BAZ1A: variants seen among roughly 807,000 people sequenced by gnomAD.
The protein encoded by BAZ1A is bromodomain adjacent to zinc finger domain protein 1A.
BAZ1A carries 50 observed loss-of-function variants against 185.2 expected under a neutral mutation model. The observed-to-expected ratio is 0.27, with a 90% CI of 0.22 to 0.34. The LOEUF (loss-of-function observed/expected upper bound fraction) is 0.34. BAZ1A is among the 10% of genes least tolerant of loss of function. The pLI, the probability that BAZ1A is intolerant of heterozygous loss-of-function variation, is 1.00. For missense variants in BAZ1A, 1,356 were observed against 1,839.9 expected, an observed-to-expected ratio of 0.74 and a Z score of 4.81; for synonymous variants, 571 against 615.6, an observed-to-expected ratio of 0.93 and a Z score of 1.07.
At chr14:34,816,711 T>A (rs2042011915) in intron 4 of BAZ1A, 1 of 236,404 alleles carries the variant, frequency 4.2e-6, no homozygotes, top group African/African-American at 2.3e-5. Flanking sequence ...CTACACAAAC[T>A]CACCTATACC....
chr14:34,780,413 A>G (rs1566557464), intron 16 of BAZ1A, 103 bp from the exon 17 acceptor site: 2 of 1,182,942 alleles, frequency 1.7e-6, no homozygotes, highest in Non-Finnish European at 2.3e-6. Flanking sequence ...TAGGCTTAGG[A>G]AGTAGTGAAC....
intron 4 of BAZ1A, among the ~76,000 whole-genome samples, chr14:34,818,976 C>T (rs1293312239): frequency 6.6e-6 from 1 of 151,610 alleles, no homozygotes; most frequent in African/African-American, 2.4e-5. Context: ...CCCATCTCTA[C>T]TAAAAATACA....
intron 12 of BAZ1A, 143 bp downstream of exon 12, chr14:34,792,632 G>A: frequency 1.1e-6 from 1 of 951,696 alleles, no homozygotes. Flanking sequence ...TCCATTTGTT[G>A]TTAGCATATG....
intron 3 of BAZ1A, among the ~76,000 whole-genome samples, chr14:34,840,082 TTTAAA>T (rs2042391302): frequency 6.6e-6 from 1 of 152,176 alleles, no homozygotes; most frequent in African/African-American, 2.4e-5. Flanking sequence ...TTTTATTTGA[TTTAAA>T]TTATTCTTTA....
chr14:34,818,022 G>T (rs1355918352), intron 4 of BAZ1A, among the ~76,000 whole-genome samples: 1 of 152,146 alleles, frequency 6.6e-6, no homozygotes, highest in Admixed American at 6.5e-5. Context: ...AGGGACTCAA[G>T]CAGATCCCTA....
Position 34,756,367 on chromosome 14 carries a change from G to A in BAZ1A, c.4387-1453C>T, listed in dbSNP as rs543630745. Among the ~76,000 whole-genome samples the A allele has an allele frequency of 1.0e-4, 15 of 150,464 alleles. No individual in the cohort carries two copies. The South Asian group carries it at 2.9e-3, about 30-fold the overall frequency. On this transcript the variant is annotated intron_variant, in intron 25 of 26. Transcript: ENST00000360310. ...CTTGACCTCGTGATCTGCCCACCTC[G>A]GCCTCCCAAAGTGCTGGGATCACAG...
In BAZ1A at chr14:34,752,742, AAT is replaced by A. The variant is rs1013401884; in HGVS notation, c.*764_*765del. On this transcript the variant is annotated 3_prime_UTR_variant, in exon 27 of 27. Transcript: ENST00000360310. ...TAGAGAATTCCAGATTATTTGAAAA[AAT>A]GTTATTTTATTTGTACAGTTAAAAA... 2 of 152,178 alleles carry A rather than the reference AAT, an allele frequency of 1.3e-5. No homozygotes were observed. The highest frequency in any genetic ancestry group is 6.6e-5 in the Admixed American group (1 of 15,258). 9.4% of individuals were successfully genotyped at this position (152,178 alleles called of 1,614,324 possible).
Position 34,792,690 on chromosome 14 carries a change from C to G in BAZ1A, c.1510+85G>C, listed in dbSNP as rs547448414. 3 of 1,458,118 alleles carry G rather than the reference C, an allele frequency of 2.1e-6. No homozygotes were observed. The South Asian group carries it at 3.7e-5, about 18-fold the overall frequency. The allele number at this position is 1,458,118 out of a possible 1,614,324, so 90.3% of individuals were successfully genotyped here. ...CAACTATATTTTATAAGCATAAAAGCCAATTTAACTTAAAATTGGCCCTCA... is the reference window on the plus strand; with the variant it reads ...CAACTATATTTTATAAGCATAAAAGGCAATTTAACTTAAAATTGGCCCTCA... On this transcript the variant is annotated intron_variant, in intron 12 of 26. Transcript: ENST00000360310.
chr14:34,756,729 T>C (rs1366299290), intron 25 of BAZ1A, among the ~76,000 whole-genome samples: 1 of 151,932 alleles, frequency 6.6e-6, no homozygotes, highest in East Asian at 1.9e-4. Context: ...CCTCCCAAAG[T>C]GTTGGGATTA....
intron 3 of BAZ1A, among the ~76,000 whole-genome samples, 184 bp from the exon 4 acceptor site, chr14:34,826,340 G>C (rs1468516151): frequency 1.3e-5 from 2 of 152,128 alleles, no homozygotes; most frequent in Admixed American, 6.6e-5. Flanking sequence ...ATAATTTAAA[G>C]CTGTAAAACT....
intron 4 of BAZ1A, among the ~76,000 whole-genome samples, chr14:34,819,981 A>G (rs973728902): frequency 2.9e-5 from 4 of 138,742 alleles, no homozygotes; most frequent in African/African-American, 1.1e-4. Flanking sequence ...GTACATAGTC[A>G]TATCTCATTG....
Position 34,792,860 on chromosome 14 carries a change from A to C in BAZ1A, c.1425T>G (p.Phe475Leu). 1 of 1,613,986 alleles carries C rather than the reference A, an allele frequency of 6.2e-7. No homozygotes were observed. Among genetic ancestry groups the C allele is most frequent in the Non-Finnish European group, 8.5e-7 (1 of 1,179,976 alleles). Reference protein sequence around the residue: ...DSEGPLCELLFFFLTAIFQAI... With the variant: ...DSEGPLCELLLFFLTAIFQAI... Reference sequence around the variant, plus strand: ...CCTGGAAGATTGCAGTCAGGAAGAAAAAAAGCAATTCACACAGTGGGCCTT... The same window carrying C: ...CCTGGAAGATTGCAGTCAGGAAGAACAAAAGCAATTCACACAGTGGGCCTT... Residue 475 changes from phenylalanine (F) to leucine (L), a missense_variant, in exon 12 of 27, where the codon TTT becomes TTG. Physicochemically the swap from Phe to Leu is conservative, Grantham distance 22 (BLOSUM62 0). This residue lies in a region of BAZ1A where 184 missense variants were observed against 355.1 expected (regional missense o/e 0.52). Coordinates refer to ENST00000360310, the MANE Select transcript of BAZ1A (RefSeq NM_013448.3).
intron 2 of BAZ1A, among the ~76,000 whole-genome samples, chr14:34,862,784 TA>T (rs35545761): frequency 1.1e-3 from 149 of 140,334 alleles, no homozygotes; most frequent in Admixed American, 2.1e-3. Context: ...ATTTGTGTTA[TA>T]AAAAAAAAAA....
chr14:34,776,652 G>A (rs1425887174), intron 17 of BAZ1A, 137 bp from the exon 18 acceptor site: 6 of 676,076 alleles, frequency 8.9e-6, no homozygotes, highest in Non-Finnish European at 1.5e-5. Context: ...AAGTTCATAT[G>A]TTGAAGCCCT....
Position 34,874,384 on chromosome 14 carries a change from C to T in BAZ1A, c.113+108G>A. 4 of 1,135,764 alleles carry T rather than the reference C, an allele frequency of 3.5e-6. No individual in the cohort carries two copies. Among genetic ancestry groups the T allele is most frequent in the Non-Finnish European group, 5.2e-6 (4 of 775,970 alleles). The allele number at this position is 1,135,764 out of a possible 1,614,324, so 70.4% of individuals were successfully genotyped here. On this transcript the variant is annotated intron_variant, in intron 2 of 26. Coordinates refer to ENST00000360310, the MANE Select transcript of BAZ1A (RefSeq NM_013448.3). The surrounding 1 kb of genome is among the most constrained non-coding windows in gnomAD (Gnocchi z 4.7). The stretch of plus-strand genomic sequence containing the variant: ...GGGCCCGGGGGCCACCCGTCACTTT[C>T]AAGTCGCCCCGCCAGAAGCCCAGGG...
intron 26 of BAZ1A, among the ~76,000 whole-genome samples, chr14:34,754,442 AAAAG>A (rs1391215129): frequency 2.0e-5 from 3 of 151,724 alleles, no homozygotes; most frequent in Admixed American, 6.6e-5. Context: ...AGAAAAAAGA[AAAAG>A]AAGAAAGAAA....
At chr14:34,854,347 G>A (rs542475023) in intron 3 of BAZ1A, among the ~76,000 whole-genome samples, 6 of 151,916 alleles carry the variant, frequency 3.9e-5, no homozygotes, top group East Asian at 3.9e-4. Context: ...GCTTGAACCC[G>A]GGACACAGAA....
chr14:34,761,935 A>C lies in BAZ1A; in HGVS notation c.4065T>G (p.Arg1355=). The C allele has an allele frequency of 6.2e-7, 1 of 1,614,158 alleles. No homozygotes were observed. Among genetic ancestry groups the C allele is most frequent in the East Asian group, 2.2e-5 (1 of 44,884 alleles). ...ADVFVELLSP[R]RKRRGRKSAN... ...CACTTTTCCTGCCTCTGCGTTTTCTACGAGGACTAAGCAATTCCACAAATA... is the reference window on the plus strand; with the variant it reads ...CACTTTTCCTGCCTCTGCGTTTTCTCCGAGGACTAAGCAATTCCACAAATA... The change falls in exon 24 of 27, where the codon CGT becomes CGG. Residue 1355 remains arginine, a synonymous_variant. Coordinates refer to ENST00000360310, the MANE Select transcript of BAZ1A (RefSeq NM_013448.3).
intron 4 of BAZ1A, among the ~76,000 whole-genome samples, chr14:34,815,199 T>C (rs1296774392): frequency 2.0e-5 from 3 of 152,214 alleles, no homozygotes; most frequent in Non-Finnish European, 4.4e-5. Context: ...AATTTTTTTC[T>C]AATCAGTGAA....
Sources: allele counts gnomAD v4.1 joint callset (sites outside exome capture counted in the v4.1 genomes callset), GRCh38; gene constraint gnomAD v4.1.1; regional missense constraint gnomAD v4.1.1; non-coding constraint Gnocchi (gnomAD v3.1); transcripts MANE v1.5; gene names NCBI Gene and HGNC (gene_info 2026-07-23, HGNC 2026-07-21).